Variants in SEPHS1 observed in about 807,000 individuals in gnomAD.
SEPHS1 encodes zincore component SEPHS1.
Under a neutral mutation model 39.2 loss-of-function variants are expected in SEPHS1, and 7 were observed. The ratio of observed to expected loss-of-function variants is 0.18; its 90% confidence interval spans 0.10 to 0.34. The LOEUF (loss-of-function observed/expected upper bound fraction) is 0.34. SEPHS1 is among the 10% of genes least tolerant of loss of function. SEPHS1 has a pLI of 1.00. For missense variants in SEPHS1, 253 were observed against 514.5 expected (o/e 0.49, Z 4.92); for synonymous variants, 190 against 195.5 (o/e 0.97, Z 0.23).
intron 1 of SEPHS1, chr10:13,347,441 GCGGGGCGGAGGCGGCAGCT>G (rs1833958990): frequency 6.7e-6 from 1 of 150,030 alleles, no homozygotes; most frequent in Non-Finnish European, 1.5e-5. Flanking sequence ...CGGGCCGGCG[GCGGGGCGGAGGCGGCAGCT>G]CGGGGCCCCG....
In SEPHS1 at chr10:13,318,421, C is replaced by A. The variant is rs1833005440; in HGVS notation, c.*721G>T. The A allele has an allele frequency of 6.6e-6, 1 of 152,562 alleles. No homozygotes were observed. The highest frequency in any genetic ancestry group is 2.4e-5 in the African/African-American group (1 of 41,402). The allele number at this position is 152,562 out of a possible 1,614,324, so 9.5% of individuals were successfully genotyped here. A position where few individuals can be genotyped will look rare whatever the true frequency, so the allele number is the denominator to read the frequency against. On this transcript the variant is annotated 3_prime_UTR_variant, in exon 9 of 9. Transcript: ENST00000327347. ...GGCAATTCCTTGTAGCACTATAGAA[C>A]ATCTAATAACATTGCAAAAAGTATC... is the stretch of plus-strand genomic sequence containing the variant.
chr10:13,341,215 G>A (rs893900032), intron 2 of SEPHS1, among the ~76,000 whole-genome samples: 2 of 152,088 alleles, frequency 1.3e-5, no homozygotes, highest in South Asian at 2.1e-4. Flanking sequence ...ATGCCCACAG[G>A]CCTTGAAAAA....
At chr10:13,345,053 T>G in intron 1 of SEPHS1, 25 bp from the exon 2 acceptor site, 1 of 1,081,908 alleles carries the variant, frequency 9.2e-7, no homozygotes, top group South Asian at 2.7e-5. Flanking sequence ...AACACAAAGA[T>G]GCCATGAAAA....
At chr10:13,347,585 C>A (rs1400011462) in intron 1 of SEPHS1, among the ~76,000 whole-genome samples, 2 of 147,112 alleles carry the variant, frequency 1.4e-5, no homozygotes, top group African/African-American at 4.9e-5. Flanking sequence ...TCGACAGGGC[C>A]CGCGCGGAGA....
chr10:13,333,301 T>C (rs961146679), intron 5 of SEPHS1, among the ~76,000 whole-genome samples: 3 of 151,414 alleles, frequency 2.0e-5, no homozygotes. Flanking sequence ...GCCTGGCTAA[T>C]TGTGTATTTT....
At chr10:13,347,555 CG>C (rs1489696868) in intron 1 of SEPHS1, among the ~76,000 whole-genome samples, 1 of 146,574 alleles carries the variant, frequency 6.8e-6, no homozygotes, top group Non-Finnish European at 1.5e-5. Context: ...GGGAGGACGC[CG>C]GGACGCACCC....
chr10:13,340,511 A>G (rs924074634), intron 2 of SEPHS1, among the ~76,000 whole-genome samples: 3 of 152,166 alleles, frequency 2.0e-5, no homozygotes, highest in Admixed American at 6.6e-5. Context: ...CCCTAAATGG[A>G]TAATTCTGAC....
At chr10:13,338,574 G>T in intron 3 of SEPHS1, 131 bp downstream of exon 3, 1 of 679,748 alleles carries the variant, frequency 1.5e-6, no homozygotes. Flanking sequence ...GTCTGGGCAG[G>T]GTGGGGCAGT....
chr10:13,331,422 G>C (rs1313040882), intron 5 of SEPHS1, among the ~76,000 whole-genome samples: 1 of 151,446 alleles, frequency 6.6e-6, no homozygotes, highest in South Asian at 2.1e-4. Flanking sequence ...GTTTCACTCT[G>C]TCACCCAGGC....
chr10:13,319,033 C>A lies in SEPHS1; in HGVS notation c.*109G>T. The A allele has an allele frequency of 3.6e-6, 4 of 1,105,510 alleles. No individual in the cohort carries two copies. Among genetic ancestry groups the A allele is most frequent in the Non-Finnish European group, 5.3e-6 (4 of 749,334 alleles). The allele number at this position is 1,105,510 out of a possible 1,614,324, so 68.5% of individuals were successfully genotyped here. On this transcript the variant is annotated 3_prime_UTR_variant, in exon 9 of 9. Coordinates refer to ENST00000327347, the MANE Select transcript of SEPHS1 (RefSeq NM_012247.5). ...CCACTTACAAACCGACCTAAGGTCA[C>A]CCCGATGTGTAGACACAATGAGATT...
intron 2 of SEPHS1, among the ~76,000 whole-genome samples, chr10:13,339,526 C>T (rs1354173605): frequency 6.6e-6 from 1 of 152,096 alleles, no homozygotes; most frequent in African/African-American, 2.4e-5. Flanking sequence ...CAAACTCAGA[C>T]TAGCATTCCC....
At chr10:13,339,791 TAAATA>T (rs1357492425) in intron 2 of SEPHS1, among the ~76,000 whole-genome samples, 1 of 152,200 alleles carries the variant, frequency 6.6e-6, no homozygotes, top group African/African-American at 2.4e-5. Flanking sequence ...GAATGCGATG[TAAATA>T]TTTGTTATGC....
chr10:13,340,375 T>C (rs1833749665), intron 2 of SEPHS1, among the ~76,000 whole-genome samples: 1 of 152,234 alleles, frequency 6.6e-6, no homozygotes, highest in Admixed American at 6.5e-5. Context: ...TCAGTTTTCA[T>C]CTGTCAGAGG....
chr10:13,343,643 C>A (rs1243350121), intron 2 of SEPHS1, among the ~76,000 whole-genome samples: 1 of 149,180 alleles, frequency 6.7e-6, no homozygotes, highest in Non-Finnish European at 1.5e-5. Flanking sequence ...GTAAAACTCC[C>A]ATCTCTACTA....
chr10:13,336,543 G>GT (rs3215961), intron 3 of SEPHS1, 193 bp from the exon 4 acceptor site: 24,717 of 597,820 alleles, frequency 0.041, 689 homozygotes, highest in East Asian at 0.087. Context: ...TAGGCCATTC[G>GT]TTTTTTCTCA....
At chr10:13,326,334 C>T (rs534068508) in intron 7 of SEPHS1, among the ~76,000 whole-genome samples, 6 of 151,960 alleles carry the variant, frequency 3.9e-5, no homozygotes, top group Non-Finnish European at 5.9e-5. Context: ...ATTAGCCAGG[C>T]GTGGTGGCGG....
At chr10:13,334,095 C>T (rs1008336745) in intron 4 of SEPHS1, 124 bp from the exon 5 acceptor site, 3 of 865,618 alleles carry the variant, frequency 3.5e-6, no homozygotes, top group Admixed American at 2.9e-5. Flanking sequence ...TCAAAGTTTA[C>T]AGACAGGGAA....
At position 13,336,236 on chromosome 10, in the gene SEPHS1, T is replaced by C; in HGVS notation, c.405+7A>G. 1 of 1,594,940 alleles carries C rather than the reference T, an allele frequency of 6.3e-7. No homozygotes were observed. The highest frequency in any genetic ancestry group is 1.1e-5 in the South Asian group (1 of 90,648). ...GACCAGGCAGCAGCCGGGTAGCTCC[T>C]ACTTACCCTGTCGGTCATTTTATTA... On this transcript the variant is annotated splice_region_variant and intron_variant, in intron 4 of 8. Transcript: ENST00000327347.
chr10:13,337,253 A>G (rs933406789), intron 3 of SEPHS1, among the ~76,000 whole-genome samples: 4 of 152,212 alleles, frequency 2.6e-5, no homozygotes, highest in Admixed American at 2.6e-4. Context: ...AAAAATACCC[A>G]GGGCTGAAGT....
Sources: allele counts gnomAD v4.1 joint callset (sites outside exome capture counted in the v4.1 genomes callset), GRCh38; gene constraint gnomAD v4.1.1; transcripts MANE v1.5; gene names NCBI Gene and HGNC (gene_info 2026-07-23, HGNC 2026-07-21).